Variants in STRBP observed in about 807,000 individuals in gnomAD.
STRBP encodes the protein spermatid perinuclear RNA binding protein.
STRBP carries 13 observed loss-of-function variants against 80.1 expected under a neutral mutation model. That is an observed-to-expected ratio of 0.16 (90% CI 0.11 to 0.26). The LOEUF is 0.26. STRBP is among the 10% of genes least tolerant of loss of function. The probability of loss-of-function intolerance (pLI) is 1.00; values close to 1 mark genes in which losing one functional copy is unlikely to be tolerated. For missense variants in STRBP, 485 were observed against 815.2 expected (o/e 0.59, Z 4.93); for synonymous variants, 284 against 291.2 (o/e 0.98, Z 0.25).
chr9:123,160,767 T>G (rs1395083726), intron 7 of STRBP, among the ~76,000 whole-genome samples: 6 of 152,214 alleles, frequency 3.9e-5, no homozygotes, highest in African/African-American at 1.4e-4. Flanking sequence ...TTCAGAATAC[T>G]AAGCCAAAAA....
chr9:123,177,613 A>T (rs960666840), intron 4 of STRBP, among the ~76,000 whole-genome samples: 1 of 152,176 alleles, frequency 6.6e-6, no homozygotes, highest in Admixed American at 6.5e-5. Context: ...AAAAGTATGG[A>T]GCATATTATC....
At chr9:123,188,181 CT>C (rs1470007375) in intron 2 of STRBP, among the ~76,000 whole-genome samples, 1 of 152,110 alleles carries the variant, frequency 6.6e-6, no homozygotes, top group African/African-American at 2.4e-5. Context: ...GTTTCTCCAT[CT>C]TTTCATGGAT....
intron 2 of STRBP, among the ~76,000 whole-genome samples, chr9:123,206,360 G>C (rs2039514413): frequency 6.6e-6 from 1 of 152,176 alleles, no homozygotes; most frequent in African/African-American, 2.4e-5. Context: ...GATTACTTCT[G>C]GAGTGTAATA....
chr9:123,116,550 C>T (rs985280559), intron 2 of STRBP, among the ~76,000 whole-genome samples: 4 of 152,154 alleles, frequency 2.6e-5, no homozygotes, highest in East Asian at 1.9e-4. Context: ...AGAAAAAGAA[C>T]GAGCCCAGAA....
At chr9:123,267,826 C>T (rs1166678626) in intron 1 of STRBP, among the ~76,000 whole-genome samples, 3 of 143,006 alleles carry the variant, frequency 2.1e-5, no homozygotes, top group African/African-American at 7.7e-5. Context: ...CTCGTCCCTG[C>T]CCTCCCCAAA....
chr9:123,143,475 T>C (rs1049094681), intron 13 of STRBP, among the ~76,000 whole-genome samples: 1 of 152,268 alleles, frequency 6.6e-6, no homozygotes, highest in Non-Finnish European at 1.5e-5. Context: ...CACCAAGCGA[T>C]TGAGTAAGAA....
At chr9:123,234,976 T>C (rs1032781171) in intron 2 of STRBP, among the ~76,000 whole-genome samples, 2 of 122,968 alleles carry the variant, frequency 1.6e-5, no homozygotes, top group Admixed American at 9.3e-5. Flanking sequence ...TTTTTGTATC[T>C]GTTCAACTGG....
chr9:123,203,669 C>A (rs1328405508), intron 2 of STRBP, among the ~76,000 whole-genome samples: 1 of 152,004 alleles, frequency 6.6e-6, no homozygotes, highest in Non-Finnish European at 1.5e-5. Context: ...CTCTGACCAC[C>A]CTATGTAAAA....
In STRBP at chr9:123,136,638, G is replaced by C. The variant is rs760231215; in HGVS notation, c.1498-123C>G. The C allele has an allele frequency of 4.4e-6, 5 of 1,136,792 alleles. No homozygotes were observed. Among genetic ancestry groups the C allele is most frequent in the Middle Eastern group, 3.0e-4 (1 of 3,304 alleles). 70.4% of individuals were successfully genotyped at this position (1,136,792 alleles called of 1,614,324 possible). A position where few individuals can be genotyped will look rare whatever the true frequency, so the allele number is the denominator to read the frequency against. On this transcript the variant is annotated intron_variant, in intron 14 of 18. Transcript: ENST00000348403. This position sits in a 1 kb window ranked among gnomAD's most constrained non-coding sequence, Gnocchi z 4.2. ...TCTACTTCAAAGCACTCAGGGGCTA[G>C]AATGAGTCACCTCTTTACACAAATG...
chr9:123,191,847 A>C (rs1032737265), intron 2 of STRBP, among the ~76,000 whole-genome samples: 2 of 152,164 alleles, frequency 1.3e-5, no homozygotes, highest in African/African-American at 4.8e-5. Flanking sequence ...GGGAGCCCTT[A>C]GAAGGTTTTC....
At chr9:123,120,961 T>C (rs2132284009), downstream of STRBP, among the ~76,000 whole-genome samples, 1 of 152,320 alleles carries the variant, frequency 6.6e-6, no homozygotes, top group African/African-American at 2.4e-5. Flanking sequence ...AAGTATCTGG[T>C]TCCCAAAGTA....
intron 8 of STRBP, among the ~76,000 whole-genome samples, chr9:123,159,561 A>G (rs976248824): frequency 5.9e-5 from 9 of 152,238 alleles, no homozygotes; most frequent in Non-Finnish European, 1.3e-4. Flanking sequence ...TACAAAACCC[A>G]GCCCACTTAA....
chr9:123,149,580 A>C (rs2036968613), intron 11 of STRBP, among the ~76,000 whole-genome samples: 1 of 152,228 alleles, frequency 6.6e-6, no homozygotes, highest in African/African-American at 2.4e-5. Flanking sequence ...ATGTGGGGCT[A>C]ATCATAATAG....
intron 2 of STRBP, among the ~76,000 whole-genome samples, chr9:123,222,700 T>C (rs1052877655): frequency 5.9e-5 from 9 of 152,146 alleles, no homozygotes; most frequent in African/African-American, 2.2e-4. Context: ...ACACAGATCA[T>C]CAGAATAAGC....
At chr9:123,113,197 A>C (rs956668882) in intron 3 of STRBP, 4 of 167,286 alleles carry the variant, frequency 2.4e-5, no homozygotes, top group African/African-American at 4.8e-5. Context: ...ATAGCCAGTG[A>C]CATTTCTAAT....
Position 123,184,192 on chromosome 9 carries a change from T to C in STRBP, c.-58A>G. ...ATCCTTTCCCCTCTTTCTTGTCGTC[T>C]TCACTAGACACTGTTTTGTGTAACA... On this transcript the variant is annotated 5_prime_UTR_variant, in exon 3 of 19. Coordinates refer to ENST00000348403, the MANE Select transcript of STRBP (RefSeq NM_018387.5). 1 of 1,577,016 alleles carries C rather than the reference T, an allele frequency of 6.3e-7. No individual in the cohort carries two copies.
At chr9:123,133,224 T>G (rs2036214468) in intron 16 of STRBP, among the ~76,000 whole-genome samples, 1 of 152,226 alleles carries the variant, frequency 6.6e-6, no homozygotes, top group Non-Finnish European at 1.5e-5. Context: ...CTACACCAAA[T>G]TTCAGTAATC....
intron 2 of STRBP, among the ~76,000 whole-genome samples, chr9:123,224,791 T>C (rs2040182723): frequency 6.6e-6 from 1 of 152,148 alleles, no homozygotes; most frequent in African/African-American, 2.4e-5. Flanking sequence ...AAAAAGATAC[T>C]TAAAACTTTT....
intron 1 of STRBP, among the ~76,000 whole-genome samples, chr9:123,251,900 G>A (rs2040924741): frequency 6.6e-6 from 1 of 152,096 alleles, no homozygotes; most frequent in Non-Finnish European, 1.5e-5. Context: ...GCATAAGCTT[G>A]GGCATTCGGC....
Sources: gnomAD v4.1 joint callset for allele counts (sites outside exome capture counted in the v4.1 genomes callset) on GRCh38, gnomAD v4.1.1 for gene constraint, Gnocchi (gnomAD v3.1) non-coding constraint, MANE v1.5 for transcripts, NCBI Gene and HGNC (gene_info 2026-07-23, HGNC 2026-07-21) for gene names.